Variants in MGAT4C observed in about 807,000 individuals in gnomAD.
The protein encoded by MGAT4C is MGAT4 family member C.
MGAT4C carries 19 observed loss-of-function variants against 40.1 expected under a neutral mutation model. The ratio of observed to expected loss-of-function variants is 0.47; its 90% CI spans 0.33 to 0.70. MGAT4C has a LOEUF of 0.70. Among genes scored for constraint, MGAT4C ranks in the 30% least tolerant of loss-of-function variants. MGAT4C has a pLI of 0.02. For missense variants in MGAT4C, 491 were observed against 563.2 expected (o/e 0.87, Z 1.30); for synonymous variants, 181 against 187.1 (o/e 0.97, Z 0.27).
chr12:86,122,936 C>T (rs73175668), intron 1 of MGAT4C, among the ~76,000 whole-genome samples: 8,167 of 152,144 alleles, frequency 0.054, 301 homozygotes, highest in Non-Finnish European at 0.08. Context: ...AGAGGCATAA[C>T]GCATTGATAG....
chr12:86,678,490 A>G (rs1949909661), intron 2 of MGAT4C, among the ~76,000 whole-genome samples: 1 of 151,772 alleles, frequency 6.6e-6, no homozygotes, highest in African/African-American at 2.4e-5. Flanking sequence ...CAGGTTAGTT[A>G]CATATGTATA....
intron 4 of MGAT4C, among the ~76,000 whole-genome samples, chr12:85,981,285 A>G (rs1475012359): frequency 3.3e-5 from 5 of 152,178 alleles, no homozygotes; most frequent in Admixed American, 1.3e-4. Flanking sequence ...AGGTCTTTCT[A>G]TTGAAATATT....
chr12:86,254,055 A>T (rs1406220926), intron 1 of MGAT4C, among the ~76,000 whole-genome samples: 3 of 151,890 alleles, frequency 2.0e-5, no homozygotes, highest in African/African-American at 7.2e-5. Context: ...TGGTTACATA[A>T]GTCAGACAAA....
At chr12:86,581,742 T>C (rs1960785825) in intron 2 of MGAT4C, among the ~76,000 whole-genome samples, 1 of 151,328 alleles carries the variant, frequency 6.6e-6, no homozygotes, top group African/African-American at 2.4e-5. Flanking sequence ...TTTTCTTGGA[T>C]TGCATGGAAA....
At chr12:86,261,741 G>A (rs1310036719) in intron 4 of MGAT4C, among the ~76,000 whole-genome samples, 3 of 152,042 alleles carry the variant, frequency 2.0e-5, no homozygotes, top group Admixed American at 6.5e-5. Context: ...CATACCAGAA[G>A]TGTGTTGTAC....
At chr12:86,015,469 A>T (rs73187675) in intron 2 of MGAT4C, among the ~76,000 whole-genome samples, 20,134 of 152,166 alleles carry the variant, frequency 0.13, 1,816 homozygotes, top group Non-Finnish European at 0.2. Flanking sequence ...CGGAAGGCAG[A>T]GGTCTGGCAT....
intron 2 of MGAT4C, among the ~76,000 whole-genome samples, chr12:86,484,725 G>T (rs1351457148): frequency 2.6e-5 from 4 of 152,168 alleles, no homozygotes; most frequent in African/African-American, 9.6e-5. Context: ...AGACCTGTCA[G>T]TCAGCCCGAC....
chr12:86,583,660 T>C (rs774457641), intron 2 of MGAT4C, among the ~76,000 whole-genome samples: 23 of 151,174 alleles, frequency 1.5e-4, no homozygotes, highest in Non-Finnish European at 3.1e-4. Flanking sequence ...ATCACTGCCA[T>C]TACAGCTTAT....
intron 1 of MGAT4C, among the ~76,000 whole-genome samples, chr12:86,795,115 T>C (rs1165173157): frequency 2.0e-5 from 3 of 152,000 alleles, no homozygotes; most frequent in African/African-American, 7.2e-5. Context: ...TCAAAATACA[T>C]AAACCATTTA....
At chr12:86,433,416 G>T (rs2136271399) in intron 3 of MGAT4C, among the ~76,000 whole-genome samples, 1 of 151,790 alleles carries the variant, frequency 6.6e-6, no homozygotes, top group African/African-American at 2.4e-5. Flanking sequence ...AAGTTGGAAA[G>T]ATATAAACTG....
intron 2 of MGAT4C, among the ~76,000 whole-genome samples, chr12:86,436,370 C>T (rs1318023685): frequency 1.3e-5 from 2 of 151,582 alleles, no homozygotes; most frequent in Non-Finnish European, 3.0e-5. Context: ...ATATGCTAGT[C>T]TTTTAAGACA....
chr12:86,813,345 C>A (rs1952512945), intron 1 of MGAT4C, among the ~76,000 whole-genome samples: 4 of 151,994 alleles, frequency 2.6e-5, no homozygotes, highest in Admixed American at 2.6e-4. Flanking sequence ...TACATATTTT[C>A]TGTCAAAATT....
chr12:86,348,014 A>G (rs1031574070), intron 3 of MGAT4C, among the ~76,000 whole-genome samples: 11 of 152,176 alleles, frequency 7.2e-5, no homozygotes, highest in African/African-American at 2.7e-4. Flanking sequence ...TGAAAGATAC[A>G]CACACAAACA....
intron 1 of MGAT4C, among the ~76,000 whole-genome samples, chr12:86,174,678 G>T (rs1296767397): frequency 1.3e-5 from 2 of 152,086 alleles, no homozygotes; most frequent in Non-Finnish European, 2.9e-5. Context: ...CATTCTTAAT[G>T]AAGTGATATT....
intron 1 of MGAT4C, among the ~76,000 whole-genome samples, chr12:86,119,448 CAG>C (rs1479512569): frequency 1.3e-5 from 2 of 151,818 alleles, no homozygotes; most frequent in African/African-American, 4.8e-5. Context: ...TTTCTTGAAA[CAG>C]AGTCTTGCTC....
At chr12:86,810,257 G>A (rs573954494) in intron 1 of MGAT4C, among the ~76,000 whole-genome samples, 1 of 151,812 alleles carries the variant, frequency 6.6e-6, no homozygotes, top group East Asian at 2.0e-4. Context: ...GATTTCTTAT[G>A]TTATAAGAAA....
chr12:86,361,363 G>T (rs991702395), intron 3 of MGAT4C, among the ~76,000 whole-genome samples: 95 of 152,252 alleles, frequency 6.2e-4, no homozygotes, highest in Admixed American at 4.7e-3. Context: ...TTAAATGTTA[G>T]ACCTAAAACC....
intron 1 of MGAT4C, among the ~76,000 whole-genome samples, chr12:86,210,402 T>C (rs1353087479): frequency 6.6e-6 from 1 of 152,332 alleles, no homozygotes; most frequent in East Asian, 1.9e-4. Context: ...AAAACTGTGA[T>C]ATGAGATGTA....
chr12:86,652,076 T>A (rs1396832391), intron 2 of MGAT4C, among the ~76,000 whole-genome samples: 1 of 151,844 alleles, frequency 6.6e-6, no homozygotes, highest in Non-Finnish European at 1.5e-5. Context: ...TAATAAGTAG[T>A]TTTTTTGCAA....
Sources: allele counts gnomAD v4.1 joint callset (sites outside exome capture counted in the v4.1 genomes callset), GRCh38; gene constraint gnomAD v4.1.1; transcripts MANE v1.5; gene names NCBI Gene and HGNC (gene_info 2026-07-23, HGNC 2026-07-21).